VPS37B: variants seen among roughly 807,000 people sequenced by gnomAD.
VPS37B encodes the protein VPS37B subunit of ESCRT-I, also known as vacuolar protein sorting-associated protein 37B.
A neutral mutation model predicts 21.2 loss-of-function variants in VPS37B; 11 were observed. The observed-to-expected ratio is 0.52, with a 90% CI of 0.33 to 0.86. The LOEUF (loss-of-function observed/expected upper bound fraction) is 0.86. Among genes scored for constraint, VPS37B ranks in the 40% least tolerant of loss-of-function variants. The pLI is 0.03. For synonymous variants in VPS37B, 175 were observed against 159.6 expected, an observed-to-expected ratio of 1.10 and a Z score of -0.73; for missense variants, 389 against 374.8, an observed-to-expected ratio of 1.04 and a Z score of -0.31.
Position 122,867,102 on chromosome 12 carries a change from G to T in VPS37B, c.*14C>A. On this transcript the variant is annotated 3_prime_UTR_variant, in exon 4 of 4. Coordinates refer to ENST00000267202, the MANE Select transcript of VPS37B (RefSeq NM_024667.3). The surrounding 1 kb of genome is among the most constrained non-coding windows in gnomAD (Gnocchi z 5.5). ...CAGGTGGAAGAAGTCTCCCGGGAAGGACCGCGCCGGCGCTCACTGGAGGAT... is the reference window on the plus strand; with the variant it reads ...CAGGTGGAAGAAGTCTCCCGGGAAGTACCGCGCCGGCGCTCACTGGAGGAT... 6.6e-7 allele frequency: 1 copy of T among 1,511,366 alleles called. No homozygotes were observed. Among genetic ancestry groups the T allele is most frequent in the South Asian group, 1.4e-5 (1 of 73,656 alleles). The allele number at this position is 1,511,366 out of a possible 1,614,324, so 93.6% of individuals were successfully genotyped here. A position where few individuals can be genotyped will look rare whatever the true frequency, so the allele number is the denominator to read the frequency against.
In VPS37B at chr12:122,867,497, G is replaced by A; in HGVS notation, c.477C>T (p.Leu159=). The change falls in exon 4 of 4, where the codon CTC becomes CTT. Residue 159 remains leucine (L), a synonymous_variant. Coordinates refer to ENST00000267202, the MANE Select transcript of VPS37B (RefSeq NM_024667.3). This position sits in a 1 kb window ranked among gnomAD's most constrained non-coding sequence, Gnocchi z 5.5. ...AHMRRVKIEK[L]QEMVLKGQRL... is the part of the protein sequence containing the mutation. ...TCTGCCCCTTTAGGACCATCTCCTG[G>A]AGCTTCTCGATTTTCACCCGTCGCA... The A allele has an allele frequency of 6.2e-7, 1 of 1,614,052 alleles. No homozygotes were observed. Among genetic ancestry groups the A allele is most frequent in the East Asian group, 2.2e-5 (1 of 44,878 alleles).
chr12:122,866,625 G>A lies in VPS37B; in HGVS notation c.*491C>T, dbSNP rs944475016. ...CCCAACAGATTCAGTGAGCAACAACGCAGCCACAGGTGGTGGCCCAGCCAC... is the reference window on the plus strand; with the variant it reads ...CCCAACAGATTCAGTGAGCAACAACACAGCCACAGGTGGTGGCCCAGCCAC... On this transcript the variant is annotated 3_prime_UTR_variant, in exon 4 of 4. Transcript: ENST00000267202. 42 of 153,012 alleles carry A rather than the reference G, an allele frequency of 2.7e-4. No individual in the cohort carries two copies. The highest frequency in any genetic ancestry group is 5.8e-4 in the East Asian group (3 of 5,196). 9.5% of individuals were successfully genotyped at this position (153,012 alleles called of 1,614,324 possible).
intron 1 of VPS37B, chr12:122,880,459 C>T (rs1313014465): frequency 6.6e-6 from 1 of 152,240 alleles, no homozygotes; most frequent in Non-Finnish European, 1.5e-5. Context: ...TGAAATCAGC[C>T]CTCTCCCACT....
chr12:122,867,110 C>T lies in VPS37B; in HGVS notation c.*6G>A, dbSNP rs531661708. 35 of 1,520,022 alleles carry T rather than the reference C, an allele frequency of 2.3e-5. No individual in the cohort carries two copies. The highest frequency in any genetic ancestry group is 4.6e-5 in the Admixed American group (2 of 43,480). 94.2% of individuals were successfully genotyped at this position (1,520,022 alleles called of 1,614,324 possible). A position where few individuals can be genotyped will look rare whatever the true frequency, so the allele number is the denominator to read the frequency against. On this transcript the variant is annotated 3_prime_UTR_variant, in exon 4 of 4. Coordinates refer to ENST00000267202, the MANE Select transcript of VPS37B (RefSeq NM_024667.3). This position sits in a 1 kb window ranked among gnomAD's most constrained non-coding sequence, Gnocchi z 5.5. ...AGAAGTCTCCCGGGAAGGACCGCGC[C>T]GGCGCTCACTGGAGGATGAAACCCG...
In VPS37B at chr12:122,866,632, C is replaced by T. The variant is rs560431574; in HGVS notation, c.*484G>A. On this transcript the variant is annotated 3_prime_UTR_variant, in exon 4 of 4. Transcript: ENST00000267202. ...GATTCAGTGAGCAACAACGCAGCCA[C>T]AGGTGGTGGCCCAGCCACGGCGCTC... 6.5e-6 allele frequency: 1 copy of T among 153,236 alleles called. No individual in the cohort carries two copies. The highest frequency in any genetic ancestry group is 2.1e-4 in the South Asian group (1 of 4,844). 9.5% of individuals were successfully genotyped at this position (153,236 alleles called of 1,614,324 possible). A position where few individuals can be genotyped will look rare whatever the true frequency, so the allele number is the denominator to read the frequency against.
At chr12:122,878,345 G>A (rs1412764240) in intron 1 of VPS37B, 4 of 143,202 alleles carry the variant, frequency 2.8e-5, no homozygotes, top group Non-Finnish European at 4.5e-5. Context: ...GTGACAGAGG[G>A]AGACTCCGTC....
At position 122,867,392 on chromosome 12, in the gene VPS37B, TGG is replaced by T; in HGVS notation, c.580_581del (p.Pro194ArgfsTer139). 8.0e-7 allele frequency: 1 copy of T among 1,245,030 alleles called. No individual in the cohort carries two copies. Among genetic ancestry groups the T allele is most frequent in the Non-Finnish European group, 1.0e-6 (1 of 972,904 alleles). The allele number at this position is 1,245,030 out of a possible 1,614,324, so 77.1% of individuals were successfully genotyped here. On this transcript the variant is annotated frameshift_variant, in exon 4 of 4. Coordinates refer to ENST00000267202, the MANE Select transcript of VPS37B (RefSeq NM_024667.3). LOFTEE classifies it high-confidence loss of function. The surrounding 1 kb of genome is among the most constrained non-coding windows in gnomAD (Gnocchi z 5.5). ...APTAPLPYPA[P>X]EASGPPAVAP... is the part of the protein sequence containing the mutation. ...CAACGGCAGGAGGCCCACTGGCCTC[TGG>T]GGCAGGGTAGGGAAGGGGGGCGGTA... is the stretch of plus-strand genomic sequence containing the variant.
intron 1 of VPS37B, chr12:122,883,089 A>G (rs187155725): frequency 6.6e-6 from 1 of 152,256 alleles, no homozygotes; most frequent in African/African-American, 2.4e-5. Context: ...CTCCAAGGCT[A>G]CAGCCCACTC....
At chr12:122,873,950 TAAGG>T (rs2135701658) in intron 1 of VPS37B, 1 of 152,054 alleles carries the variant, frequency 6.6e-6, no homozygotes, top group African/African-American at 2.4e-5. Context: ...GCCTGGCAAA[TAAGG>T]GAGGTAACAA....
intron 1 of VPS37B, chr12:122,871,527 T>G (rs1192250402): frequency 2.0e-6 from 2 of 986,040 alleles, no homozygotes; most frequent in Non-Finnish European, 2.4e-6. Flanking sequence ...GGCTAAGAGG[T>G]CCAACCAGCA....
intron 1 of VPS37B, chr12:122,888,469 T>C (rs1048787334): frequency 4.5e-6 from 2 of 446,054 alleles, no homozygotes; most frequent in African/African-American, 2.0e-5. Context: ...CGCCAGTGAT[T>C]ACCTACGAGT....
intron 1 of VPS37B, chr12:122,880,922 G>T (rs1047806246): frequency 2.0e-5 from 3 of 152,342 alleles, no homozygotes; most frequent in Non-Finnish European, 4.4e-5. Context: ...GGCACTGAGC[G>T]TTGTGCACTG....
rs946320335 is a variant in VPS37B at position 122,869,010 on chromosome 12, G to A, written c.284-448C>T. ...GCTGGCCTCCACCACCACAGAGGAGGTCCGCCTGGTCTTGACTCCACATCC... is the reference window on the plus strand; with the variant it reads ...GCTGGCCTCCACCACCACAGAGGAGATCCGCCTGGTCTTGACTCCACATCC... On this transcript the variant is annotated intron_variant, in intron 2 of 3. Transcript: ENST00000267202. Among the ~76,000 whole-genome samples the A allele has an allele frequency of 3.3e-5, 5 of 152,140 alleles. No homozygotes were observed. In the East Asian group the frequency reaches 7.7e-4, roughly 23 times the overall value.
Position 122,867,377 on chromosome 12 carries a change from A to AG in VPS37B, c.596dup (p.Pro200SerfsTer134). On this transcript the variant is annotated frameshift_variant, in exon 4 of 4. Transcript: ENST00000267202. LOFTEE classifies it high-confidence loss of function. The surrounding 1 kb of genome is among the most constrained non-coding windows in gnomAD (Gnocchi z 5.5). Reference sequence around the variant, plus strand: ...GGATGCGCCGAGGTGCAACGGCAGGAGGCCCACTGGCCTCTGGGGCAGGGT... The same window carrying AG: ...GGATGCGCCGAGGTGCAACGGCAGGAGGGCCCACTGGCCTCTGGGGCAGGGT... 1.4e-6 allele frequency: 2 copies of AG among 1,430,772 alleles called. No individual in the cohort carries two copies. The highest frequency in any genetic ancestry group is 1.8e-6 in the Non-Finnish European group (2 of 1,083,696). The allele number at this position is 1,430,772 out of a possible 1,614,324, so 88.6% of individuals were successfully genotyped here.
rs1455294536 is a variant in VPS37B at position 122,867,452 on chromosome 12, G to A, written c.522C>T (p.Ala174=). The A allele has an allele frequency of 2.5e-6, 4 of 1,613,638 alleles. No individual in the cohort carries two copies. Among genetic ancestry groups the A allele is most frequent in the South Asian group, 1.1e-5 (1 of 91,082 alleles). ...GTTCGGGCAGCCTGGGGGGCAGCGG[G>A]GCCAGGGCCTGTGGGAGTCTCTGCC... The part of the protein sequence containing the change: ...LKGQRLPQAL[A]PLPPRLPELA... Residue 174 remains alanine (A), a synonymous_variant, in exon 4 of 4, where the codon GCC becomes GCT. Coordinates refer to ENST00000267202, the MANE Select transcript of VPS37B (RefSeq NM_024667.3). This position sits in a 1 kb window ranked among gnomAD's most constrained non-coding sequence, Gnocchi z 5.5.
intron 1 of VPS37B, chr12:122,885,410 CACATA>C (rs1373664389): frequency 6.6e-6 from 1 of 152,000 alleles, no homozygotes; most frequent in Non-Finnish European, 1.5e-5. Flanking sequence ...CATGAAAGAT[CACATA>C]GCTGTTAAAA....
Position 122,896,069 on chromosome 12 carries a change from G to A in VPS37B, c.-7C>T, listed in dbSNP as rs751165020. 3 of 1,566,532 alleles carry A rather than the reference G, an allele frequency of 1.9e-6. No individual in the cohort carries two copies. The Admixed American group carries it at 5.4e-5, about 28-fold the overall frequency. On this transcript the variant is annotated 5_prime_UTR_variant, in exon 1 of 4. It adds an upstream start codon to the 5' untranslated region. Coordinates refer to ENST00000267202, the MANE Select transcript of VPS37B (RefSeq NM_024667.3). ...CGCTCCCGGCGCCCGCCATCCCCACGTCTCGGCCGTCGTCGCCACCGCCGC... is the reference window on the plus strand; with the variant it reads ...CGCTCCCGGCGCCCGCCATCCCCACATCTCGGCCGTCGTCGCCACCGCCGC...
At chr12:122,871,126 C>A in intron 1 of VPS37B, 65 bp from the exon 2 acceptor site, 1 of 1,579,282 alleles carries the variant, frequency 6.3e-7, no homozygotes, top group Non-Finnish European at 8.6e-7. Context: ...CTGAGGTCCC[C>A]ACGCACACCC....
chr12:122,895,901 G>A (rs747702380), intron 1 of VPS37B, 51 bp downstream of exon 1: 1 of 1,559,842 alleles, frequency 6.4e-7, no homozygotes, highest in South Asian at 1.1e-5. Context: ...TTCGAGGAGC[G>A]AACCCCGCTC....
Sources: allele counts gnomAD v4.1 joint callset (sites outside exome capture counted in the v4.1 genomes callset), GRCh38; gene constraint gnomAD v4.1.1; non-coding constraint Gnocchi (gnomAD v3.1); transcripts MANE v1.5; gene names NCBI Gene and HGNC (gene_info 2026-07-23, HGNC 2026-07-21).